Variants in SAMD5 observed in about 807,000 individuals in gnomAD.
SAMD5 encodes sterile alpha motif domain containing 5, also known as sterile alpha motif domain-containing protein 5.
A neutral mutation model predicts 11.3 loss-of-function variants in SAMD5; 13 were observed. The ratio of observed to expected loss-of-function variants is 1.15; its 90% confidence interval spans 0.75 to 1.83. SAMD5 has a LOEUF of 1.83. Ranked by LOEUF, SAMD5 falls within the 40% of genes most tolerant of loss-of-function variation. SAMD5 has a pLI of 0.00. For synonymous variants in SAMD5, 129 were observed against 111.3 expected, an observed-to-expected ratio of 1.16 and a Z score of -1.00; for missense variants, 255 against 239.1, an observed-to-expected ratio of 1.07 and a Z score of -0.44.
At chr6:147,670,074 C>T (rs188133901) in intron 1 of SAMD5, among the ~76,000 whole-genome samples, 1 of 152,300 alleles carries the variant, frequency 6.6e-6, no homozygotes, top group African/African-American at 2.4e-5. Context: ...GATGTTATTA[C>T]CAAGCATGAA....
chr6:147,816,291 A>ATATATAT, the SAMD5 span, among the ~76,000 whole-genome samples: 19 of 92,400 alleles, frequency 2.1e-4, no homozygotes, highest in African/African-American at 1.1e-3. Flanking sequence ...CAAAAAAAAA[A>ATATATAT]AAAAAAAAAA....
intron 1 of SAMD5, among the ~76,000 whole-genome samples, chr6:147,630,806 T>C (rs1253172066): frequency 6.6e-6 from 1 of 152,186 alleles, no homozygotes; most frequent in Non-Finnish European, 1.5e-5. Flanking sequence ...CTCTCCCTTC[T>C]CTTAATTTCA....
intron 1 of SAMD5, among the ~76,000 whole-genome samples, chr6:147,712,783 T>A (rs1225944543): frequency 6.6e-6 from 1 of 151,514 alleles, no homozygotes; most frequent in African/African-American, 2.4e-5. Flanking sequence ...ATCTGCTGGC[T>A]TAGACTTCCC....
chr6:147,883,897 T>C, the SAMD5 span, among the ~76,000 whole-genome samples: 1 of 152,228 alleles, frequency 6.6e-6, no homozygotes, highest in Non-Finnish European at 1.5e-5. Context: ...TTATTAAATC[T>C]GCGTTATTAA....
the SAMD5 span, among the ~76,000 whole-genome samples, chr6:147,748,192 G>A: frequency 6.6e-6 from 1 of 152,210 alleles, no homozygotes; most frequent in East Asian, 1.9e-4. Flanking sequence ...TTGAAATGGA[G>A]TCCACCATGT....
At position 147,683,698 on chromosome 6, in the gene SAMD5, G is replaced by A. The variant is rs143246993; in HGVS notation, c.163-53619G>A. Among the ~76,000 whole-genome samples, 17 of 152,278 alleles carry A rather than the reference G, an allele frequency of 1.1e-4. No individual in the cohort carries two copies. In the East Asian group the frequency reaches 3.3e-3, roughly 29 times the overall value. On this transcript the variant is annotated intron_variant, in intron 1 of 1. Coordinates refer to the SAMD5 transcript ENST00000566741. ...TGATGACAAATAGTACAGTTTGGTA[G>A]CACTGCTTGATTCATGCTAAGGAAT... is the stretch of plus-strand genomic sequence containing the variant.
the SAMD5 span, among the ~76,000 whole-genome samples, chr6:147,855,610 C>A: frequency 6.6e-6 from 1 of 151,986 alleles, no homozygotes; most frequent in Non-Finnish European, 1.5e-5. Flanking sequence ...AAGTTTGTTC[C>A]AACTCTTATA....
the SAMD5 span, among the ~76,000 whole-genome samples, chr6:147,805,658 A>T: frequency 6.6e-6 from 1 of 152,242 alleles, no homozygotes; most frequent in African/African-American, 2.4e-5. Flanking sequence ...ACAAATTCAC[A>T]GATGAAAATA....
chr6:147,821,184 C>T, the SAMD5 span, among the ~76,000 whole-genome samples: 1 of 152,202 alleles, frequency 6.6e-6, no homozygotes, highest in Admixed American at 6.5e-5. Context: ...GTCTAGGAAG[C>T]TTGACATACT....
At chr6:147,542,393 C>T (rs749247191) in intron 1 of SAMD5, among the ~76,000 whole-genome samples, 4 of 152,194 alleles carry the variant, frequency 2.6e-5, no homozygotes, top group Non-Finnish European at 5.9e-5. Context: ...TTCAACAAGA[C>T]AGGGGAATTG....
At chr6:147,862,760 A>G in the SAMD5 span, among the ~76,000 whole-genome samples, 5 of 152,188 alleles carry the variant, frequency 3.3e-5, no homozygotes, top group Admixed American at 6.5e-5. Context: ...ATAACTCCCT[A>G]TTCTTGTCAC....
chr6:147,934,293 A>G, the SAMD5 span, among the ~76,000 whole-genome samples: 2 of 152,226 alleles, frequency 1.3e-5, no homozygotes, highest in Non-Finnish European at 2.9e-5. Context: ...ATCTTTATGT[A>G]AAGTACCAAA....
At chr6:147,909,268 T>C in the SAMD5 span, among the ~76,000 whole-genome samples, 1 of 152,320 alleles carries the variant, frequency 6.6e-6, no homozygotes, top group Non-Finnish European at 1.5e-5. Flanking sequence ...ATGTGTTTAT[T>C]TGAATCTTGG....
intron 1 of SAMD5, among the ~76,000 whole-genome samples, chr6:147,639,584 A>T (rs1366797755): frequency 9.2e-5 from 14 of 152,138 alleles, no homozygotes; most frequent in East Asian, 1.9e-4. Context: ...TCCCAGCAAC[A>T]TTCTCCTCTT....
chr6:147,729,288 C>T (rs1360024413), intron 1 of SAMD5, among the ~76,000 whole-genome samples: 1 of 152,196 alleles, frequency 6.6e-6, no homozygotes, highest in Admixed American at 6.5e-5. Flanking sequence ...TAGGACTCAA[C>T]ATATGAATTT....
chr6:147,784,430 A>G, the SAMD5 span, among the ~76,000 whole-genome samples: 1 of 152,204 alleles, frequency 6.6e-6, no homozygotes, highest in South Asian at 2.1e-4. Flanking sequence ...CTGCCCAAAT[A>G]ATACCATCTT....
At chr6:147,518,498 G>A (rs1011139107) in intron 1 of SAMD5, among the ~76,000 whole-genome samples, 2 of 152,178 alleles carry the variant, frequency 1.3e-5, no homozygotes, top group Non-Finnish European at 2.9e-5. Flanking sequence ...TCAGATTCTA[G>A]TTCACCAGAA....
At chr6:147,800,748 A>G in the SAMD5 span, among the ~76,000 whole-genome samples, 16 of 118,942 alleles carry the variant, frequency 1.3e-4, no homozygotes, top group South Asian at 4.3e-3. Context: ...AATAGCACTA[A>G]TAATAATAGT....
the SAMD5 span, among the ~76,000 whole-genome samples, chr6:147,745,538 A>G: frequency 2.0e-5 from 3 of 152,188 alleles, no homozygotes; most frequent in Non-Finnish European, 4.4e-5. Context: ...TCTGTTTTCC[A>G]GAGGGGATAG....
Sources: gnomAD v4.1 joint callset for allele counts (sites outside exome capture counted in the v4.1 genomes callset) on GRCh38, gnomAD v4.1.1 for gene constraint, MANE v1.5 for transcripts, NCBI Gene and HGNC (gene_info 2026-07-23, HGNC 2026-07-21) for gene names.